The following ALDH1L1 variants were observed in gnomAD, a reference collection of about 807,000 sequenced individuals.
The protein encoded by ALDH1L1 is aldehyde dehydrogenase 1 family member L1.
In ALDH1L1, 68 loss-of-function variants were observed where a neutral mutation model predicts 101.1. The observed-to-expected ratio is 0.67, with a 90% CI of 0.55 to 0.82. The LOEUF is 0.82. ALDH1L1 is among the 40% of genes least tolerant of loss of function. ALDH1L1 has a pLI of 0.00. For missense variants in ALDH1L1, 1,087 were observed against 1,172.7 expected, an observed-to-expected ratio of 0.93 and a Z score of 1.07; for synonymous variants, 486 against 470.8, an observed-to-expected ratio of 1.03 and a Z score of -0.42.
rs1353121550 is a variant in ALDH1L1, at chr3:126,103,600, AG to A, written c.*190del. ...CTTCAGAAGCTTTATTCTCCCTGGG[AG>A]GGGCACACCTCACCCAGCCAAGGGC... On this transcript the variant is annotated 3_prime_UTR_variant, in exon 23 of 23. Transcript: ENST00000393434. The A allele has an allele frequency of 1.6e-6, 1 of 611,848 alleles. No homozygotes were observed. Among genetic ancestry groups the A allele is most frequent in the Non-Finnish European group, 2.9e-6 (1 of 345,662 alleles). The allele number at this position is 611,848 out of a possible 1,614,324, so 37.9% of individuals were successfully genotyped here.
chr3:126,150,247 GA>G lies in ALDH1L1; in HGVS notation c.984+158del, dbSNP rs1285256181. On this transcript the variant is annotated intron_variant, in intron 8 of 22. Transcript: ENST00000393434. ...AGGAAGGAGCAGCAAGAAGACAACA[GA>G]AAGCTCCAAGACGAGATAGAACCAA... 3.3e-5 allele frequency among the ~76,000 whole-genome samples: 5 copies of G among 152,242 alleles called. No individual in the cohort carries two copies. The East Asian group carries it at 9.6e-4, about 29-fold the overall frequency.
In ALDH1L1 at chr3:126,112,869, A is replaced by G; in HGVS notation, c.2094T>C (p.Ser698=). ...LNKAVQMGMS[S]VFFNKGENCI... ...AATTCTCTCCTTTGTTGAAGAAAACAGAACTCATCCCCTTCAGAGAATGGA... is the reference window on the plus strand; with the variant it reads ...AATTCTCTCCTTTGTTGAAGAAAACGGAACTCATCCCCTTCAGAGAATGGA... The change falls in exon 19 of 23, where the codon TCT becomes TCC. Residue 698 remains serine (S), a synonymous_variant. Transcript: ENST00000393434. 2 of 1,613,404 alleles carry G rather than the reference A, an allele frequency of 1.2e-6. No individual in the cohort carries two copies. Among genetic ancestry groups the G allele is most frequent in the South Asian group, 2.2e-5 (2 of 91,088 alleles).
intron 14 of ALDH1L1, among the ~76,000 whole-genome samples, chr3:126,126,921 C>T (rs1008600442): frequency 6.6e-6 from 1 of 152,190 alleles, no homozygotes; most frequent in Non-Finnish European, 1.5e-5. Context: ...GACAGACTCA[C>T]AGTGGGAATG....
At chr3:126,159,527 C>G (rs4646702) in intron 2 of ALDH1L1, 51,297 of 456,636 alleles carry the variant, frequency 0.11, 3,219 homozygotes, top group Non-Finnish European at 0.14. Context: ...TGGACTGGCT[C>G]TCCTCTCCGG....
intron 1 of ALDH1L1, among the ~76,000 whole-genome samples, chr3:126,176,461 G>A (rs946748806): frequency 1.3e-5 from 2 of 152,152 alleles, no homozygotes; most frequent in Non-Finnish European, 2.9e-5. Flanking sequence ...AAGACAGTAC[G>A]GTATTGGCAA....
chr3:126,128,673 G>A (rs2080236243), intron 14 of ALDH1L1: 2 of 152,368 alleles, frequency 1.3e-5, no homozygotes, highest in Non-Finnish European at 1.5e-5. Flanking sequence ...GCCCTGGTCT[G>A]TGTGAGCTGC....
At chr3:126,108,847 G>A (rs538412453) in intron 20 of ALDH1L1, among the ~76,000 whole-genome samples, 28 of 152,312 alleles carry the variant, frequency 1.8e-4, no homozygotes, top group Non-Finnish European at 3.2e-4. Flanking sequence ...GAAGGACTCC[G>A]GCTGTGAGGT....
At chr3:126,147,330 G>A (rs2080715385) in intron 8 of ALDH1L1, among the ~76,000 whole-genome samples, 2 of 152,220 alleles carry the variant, frequency 1.3e-5, no homozygotes, top group Non-Finnish European at 2.9e-5. Flanking sequence ...GGTGTCCCTA[G>A]TGTGACACCG....
chr3:126,115,386 T>A (rs1182107305), intron 17 of ALDH1L1: 2 of 260,334 alleles, frequency 7.7e-6, no homozygotes, highest in Admixed American at 1.0e-4. Context: ...ATGGCACCCA[T>A]CTCAGCTGCA....
intron 12 of ALDH1L1, among the ~76,000 whole-genome samples, chr3:126,132,026 A>G (rs1562474): frequency 0.15 from 22,689 of 152,326 alleles, 1,759 homozygotes; most frequent in East Asian, 0.22. Context: ...CCCCATCCCC[A>G]TCACAGAAGG....
rs149784388 is a variant in ALDH1L1 at position 126,158,473 on chromosome 3, G to T, written c.294C>A (p.Pro98=). 3 of 1,613,822 alleles carry T rather than the reference G, an allele frequency of 1.9e-6. No homozygotes were observed. The African/African-American group carries it at 4.0e-5, about 22-fold the overall frequency. The change falls in exon 3 of 23, where the codon CCC becomes CCA. Residue 98 remains proline, a synonymous_variant. Coordinates refer to ENST00000393434, the MANE Select transcript of ALDH1L1 (RefSeq NM_012190.4). Reference sequence around the variant, plus strand: ...GGTGATAGATGATGGAGCCATGCCGGGGGGCACTGATTATCTCCATGGGGA... The same window carrying T: ...GGTGATAGATGATGGAGCCATGCCGTGGGGCACTGATTATCTCCATGGGGA... The part of the protein sequence containing the change: ...QFIPMEIISA[P]RHGSIIYHPS...
intron 14 of ALDH1L1, 32 bp downstream of exon 14, chr3:126,130,191 G>C: frequency 1.3e-6 from 2 of 1,582,574 alleles, no homozygotes; most frequent in Non-Finnish European, 1.7e-6. Context: ...AAAGCACCGC[G>C]AGGCTGCACC....
chr3:126,116,497 CAGA>C (rs2079975799), intron 17 of ALDH1L1, among the ~76,000 whole-genome samples: 1 of 152,176 alleles, frequency 6.6e-6, no homozygotes, highest in Non-Finnish European at 1.5e-5. Flanking sequence ...CTGGAGTGCT[CAGA>C]GCTGACATTT....
intron 20 of ALDH1L1, among the ~76,000 whole-genome samples, chr3:126,108,436 T>C (rs1945961565): frequency 6.6e-6 from 1 of 152,228 alleles, no homozygotes; most frequent in Non-Finnish European, 1.5e-5. Context: ...CTAGCCCTGC[T>C]CCTGGTACAA....
At chr3:126,152,437 A>AT (rs2080823373) in intron 7 of ALDH1L1, 1 of 152,228 alleles carries the variant, frequency 6.6e-6, no homozygotes, top group African/African-American at 2.4e-5. Context: ...GCAACTGCAT[A>AT]TATCAATCTT....
chr3:126,188,665 T>C (rs556120268), intron 1 of ALDH1L1, among the ~76,000 whole-genome samples: 4 of 152,216 alleles, frequency 2.6e-5, no homozygotes, highest in Non-Finnish European at 5.9e-5. Flanking sequence ...GTGTCATTTA[T>C]TCATAGTCCT....
At chr3:126,153,318 T>A in intron 7 of ALDH1L1, 126 bp downstream of exon 7, 1 of 1,464,192 alleles carries the variant, frequency 6.8e-7, no homozygotes, top group Middle Eastern at 1.7e-4. Context: ...GGGTCAGTGT[T>A]CCTTCCTGGG....
chr3:126,193,407 G>A (rs947367123), intron 1 of ALDH1L1, among the ~76,000 whole-genome samples: 2 of 152,198 alleles, frequency 1.3e-5, no homozygotes, highest in Non-Finnish European at 1.5e-5. Flanking sequence ...TAGTGCATGA[G>A]CTCAGTCCAA....
intron 1 of ALDH1L1, among the ~76,000 whole-genome samples, chr3:126,188,065 A>G (rs1189389838): frequency 6.6e-6 from 1 of 152,140 alleles, no homozygotes; most frequent in African/African-American, 2.4e-5. Context: ...AAAAAGAACA[A>G]CTTAATTGGT....
Sources: allele counts gnomAD v4.1 joint callset (sites outside exome capture counted in the v4.1 genomes callset), GRCh38; gene constraint gnomAD v4.1.1; transcripts MANE v1.5; gene names NCBI Gene and HGNC (gene_info 2026-07-23, HGNC 2026-07-21).